Variants in OSMR observed in about 807,000 individuals in gnomAD.
OSMR encodes oncostatin-M-specific receptor subunit beta.
Under a neutral mutation model 99.9 loss-of-function variants are expected in OSMR, and 81 were observed. The observed-to-expected ratio is 0.81, with a 90% CI of 0.68 to 0.97. The LOEUF (loss-of-function observed/expected upper bound fraction) is 0.97. Ranked by LOEUF, OSMR falls within the 50% of genes least tolerant of loss-of-function variation. The pLI is 0.00. For missense variants in OSMR, 1,099 were observed against 1,153.4 expected (o/e 0.95, Z 0.68); for synonymous variants, 406 against 410.4 (o/e 0.99, Z 0.13).
intron 7 of OSMR, among the ~76,000 whole-genome samples, chr5:38,892,575 G>T (rs1320422855): frequency 6.6e-6 from 1 of 152,098 alleles, no homozygotes; most frequent in Admixed American, 6.5e-5. Flanking sequence ...ATCCACTCAC[G>T]TGGGCCCAAA....
intron 2 of OSMR, among the ~76,000 whole-genome samples, chr5:38,870,034 A>G (rs1579664056): frequency 6.7e-6 from 1 of 149,062 alleles, no homozygotes; most frequent in East Asian, 1.9e-4. Context: ...ATATATTTGG[A>G]AAAAAAAAAG....
chr5:38,885,488 A>G lies in OSMR; in HGVS notation c.839+4A>G, dbSNP rs1283305197. ...AAAGCTACACTTTATTTGAATCGTA[A>G]GTTGGCTCTGGTTACATTATTGACA... On this transcript the variant is annotated splice_donor_region_variant and intron_variant, in intron 6 of 17. Transcript: ENST00000274276. The G allele has an allele frequency of 6.2e-7, 1 of 1,614,018 alleles. No homozygotes were observed. The highest frequency in any genetic ancestry group is 8.5e-7 in the Non-Finnish European group (1 of 1,179,922).
chr5:38,888,952 G>A (rs1743974262), intron 7 of OSMR, among the ~76,000 whole-genome samples: 1 of 151,924 alleles, frequency 6.6e-6, no homozygotes, highest in Non-Finnish European at 1.5e-5. Flanking sequence ...AAAATTTTTA[G>A]CTTATATTTT....
At chr5:38,857,673 T>C (rs1038523390) in intron 1 of OSMR, among the ~76,000 whole-genome samples, 2 of 151,832 alleles carry the variant, frequency 1.3e-5, no homozygotes, top group Admixed American at 6.6e-5. Flanking sequence ...CTTTTTATTT[T>C]TATTTTTTTC....
At chr5:38,932,004 G>A (rs1264624341) in intron 16 of OSMR, 40 bp downstream of exon 16, 5 of 1,431,218 alleles carry the variant, frequency 3.5e-6, no homozygotes, top group Middle Eastern at 1.8e-4. Context: ...AAGAGAGTAA[G>A]AGAAAAGTCT....
intron 11 of OSMR, among the ~76,000 whole-genome samples, chr5:38,920,927 G>A (rs1052058593): frequency 6.6e-6 from 1 of 152,150 alleles, no homozygotes; most frequent in Non-Finnish European, 1.5e-5. Context: ...GTCATAAACT[G>A]TGTGCATATC....
chr5:38,864,371 A>G (rs1741762972), intron 1 of OSMR, among the ~76,000 whole-genome samples: 1 of 151,922 alleles, frequency 6.6e-6, no homozygotes, highest in South Asian at 2.1e-4. Context: ...ACGTGTTTTC[A>G]TGATGGTAGA....
intron 10 of OSMR, among the ~76,000 whole-genome samples, chr5:38,917,883 A>G (rs1009876371): frequency 6.6e-6 from 1 of 152,210 alleles, no homozygotes; most frequent in Non-Finnish European, 1.5e-5. Context: ...TGCAGGGCCC[A>G]GGGCAAAGAT....
intron 1 of OSMR, among the ~76,000 whole-genome samples, chr5:38,865,686 T>C (rs568106598): frequency 5.9e-5 from 9 of 152,326 alleles, no homozygotes; most frequent in African/African-American, 1.9e-4. Flanking sequence ...CCACCTGATG[T>C]ACATAAGCAC....
chr5:38,856,643 G>A (rs992309379), intron 1 of OSMR, among the ~76,000 whole-genome samples: 1 of 152,144 alleles, frequency 6.6e-6, no homozygotes, highest in African/African-American at 2.4e-5. Context: ...AGACCATCTT[G>A]TGATCTTTTA....
Position 38,924,610 on chromosome 5 carries a change from T to C in OSMR, c.2044+15T>C. On this transcript the variant is annotated intron_variant, in intron 14 of 17. Coordinates refer to ENST00000274276, the MANE Select transcript of OSMR (RefSeq NM_003999.3). The stretch of plus-strand genomic sequence containing the variant: ...AGTTCTTTCAGGTGACATCTATTTT[T>C]AATTTGTTTATTTATTCTTTCAAGA... 1 of 1,567,758 alleles carries C rather than the reference T, an allele frequency of 6.4e-7. No individual in the cohort carries two copies. Among genetic ancestry groups the C allele is most frequent in the Non-Finnish European group, 8.8e-7 (1 of 1,137,784 alleles).
At chr5:38,883,706 T>G in intron 4 of OSMR, 121 bp from the exon 5 acceptor site, 1 of 1,563,946 alleles carries the variant, frequency 6.4e-7, no homozygotes, top group Non-Finnish European at 8.6e-7. Flanking sequence ...AAATTTAGGT[T>G]GCTATTTTCT....
chr5:38,905,517 T>G (rs1207757064), intron 9 of OSMR, among the ~76,000 whole-genome samples: 2 of 152,030 alleles, frequency 1.3e-5, no homozygotes, highest in Non-Finnish European at 2.9e-5. Flanking sequence ...GGAGTCAACA[T>G]TTACTGTGAG....
intron 1 of OSMR, among the ~76,000 whole-genome samples, chr5:38,865,972 T>A (rs1283902492): frequency 6.6e-6 from 1 of 152,140 alleles, no homozygotes; most frequent in Non-Finnish European, 1.5e-5. Flanking sequence ...GATGGCAGGC[T>A]CATGCTCAGG....
intron 7 of OSMR, among the ~76,000 whole-genome samples, chr5:38,895,047 TAAAC>T (rs1480311838): frequency 6.6e-6 from 1 of 151,586 alleles, no homozygotes; most frequent in African/African-American, 2.4e-5. Flanking sequence ...TTCTTGGAAA[TAAAC>T]AAAAACAGAG....
At chr5:38,887,112 AT>A (rs967176977) in intron 7 of OSMR, among the ~76,000 whole-genome samples, 2 of 152,122 alleles carry the variant, frequency 1.3e-5, no homozygotes, top group African/African-American at 4.8e-5. Context: ...CAATTTGCAC[AT>A]TTTTTGTTGG....
chr5:38,884,605 T>C (rs1276026234), intron 5 of OSMR, among the ~76,000 whole-genome samples: 1 of 152,168 alleles, frequency 6.6e-6, no homozygotes, highest in East Asian at 1.9e-4. Context: ...ATTGTGAGGA[T>C]TAATGAATGT....
chr5:38,881,872 A>T (rs1255752306), intron 4 of OSMR, 108 bp downstream of exon 4: 2 of 984,448 alleles, frequency 2.0e-6, no homozygotes, highest in Non-Finnish European at 3.2e-6. Flanking sequence ...GTAGACACTG[A>T]CATTATTTTC....
intron 9 of OSMR, among the ~76,000 whole-genome samples, chr5:38,915,807 C>T (rs1745860176): frequency 6.6e-6 from 1 of 152,174 alleles, no homozygotes; most frequent in Non-Finnish European, 1.5e-5. Flanking sequence ...AGCACGTTCA[C>T]AAAATGTGAT....
Sources: gnomAD v4.1 joint callset for allele counts (sites outside exome capture counted in the v4.1 genomes callset) on GRCh38, gnomAD v4.1.1 for gene constraint, MANE v1.5 for transcripts, NCBI Gene and HGNC (gene_info 2026-07-23, HGNC 2026-07-21) for gene names.